The following MEMO1 variants were observed in gnomAD, a reference collection of about 807,000 sequenced individuals.
The protein encoded by MEMO1 is mediator of cell motility 1.
In MEMO1, 6 loss-of-function variants were observed where a neutral mutation model predicts 45.2. That is an observed-to-expected ratio of 0.13 (90% CI 0.07 to 0.26). The LOEUF (loss-of-function observed/expected upper bound fraction) is 0.26. MEMO1 is among the 10% of genes least tolerant of loss of function. MEMO1 has a pLI of 1.00. For missense variants in MEMO1, 184 were observed against 370.5 expected, an observed-to-expected ratio of 0.50 and a Z score of 4.13; for synonymous variants, 78 against 124.3, an observed-to-expected ratio of 0.63 and a Z score of 2.48.
intron 2 of MEMO1, among the ~76,000 whole-genome samples, chr2:31,979,738 C>G (rs1158882494): frequency 1.3e-5 from 2 of 152,048 alleles, no homozygotes; most frequent in Non-Finnish European, 2.9e-5. Context: ...CACCATGGTA[C>G]TGGAATGCCA....
intron 8 of MEMO1, among the ~76,000 whole-genome samples, chr2:31,881,495 T>TAAAAAAAAAAAAAAAAAAAAAAAAAA (rs34058748): frequency 2.9e-5 from 2 of 68,430 alleles, no homozygotes; most frequent in African/African-American, 6.0e-5. Context: ...AGCCTGTCTT[T>TAAAAAAAAAAAAAAAAAAAAAAAAAA]AAAAAAAAAA....
intron 2 of MEMO1, among the ~76,000 whole-genome samples, chr2:31,990,296 C>T (rs532510999): frequency 3.0e-4 from 45 of 152,158 alleles, no homozygotes; most frequent in African/African-American, 1.0e-3. Context: ...ATAACAAATG[C>T]CACTCTTCTC....
chr2:31,984,810 C>CA (rs891720598), intron 2 of MEMO1, among the ~76,000 whole-genome samples: 2 of 147,826 alleles, frequency 1.4e-5, no homozygotes, highest in African/African-American at 5.0e-5. Context: ...CGTCTCAAAC[C>CA]AAAAAAAAAG....
At chr2:31,968,756 T>G (rs926290504) in intron 2 of MEMO1, among the ~76,000 whole-genome samples, 3 of 152,200 alleles carry the variant, frequency 2.0e-5, no homozygotes, top group African/African-American at 7.2e-5. Flanking sequence ...TCTATTTGTT[T>G]GTTTTCATTC....
intron 2 of MEMO1, among the ~76,000 whole-genome samples, chr2:31,989,803 A>C (rs934964000): frequency 6.6e-6 from 1 of 152,206 alleles, no homozygotes; most frequent in Non-Finnish European, 1.5e-5. Context: ...ATGGCTATCC[A>C]TAAGTATCTG....
In MEMO1 at chr2:32,009,535, C is replaced by G. The variant is rs1275353292; in HGVS notation, c.61+652G>C. ...CTTCACTCCCTGCAAGACAGCGGAG[C>G]CCCTTAAAGGTGCGGGGAAACGCTG... On this transcript the variant is annotated intron_variant, in intron 2 of 9. Coordinates refer to ENST00000404530, the MANE Select transcript of MEMO1 (RefSeq NM_001301833.4). Among the ~76,000 whole-genome samples, 7 of 152,214 alleles carry G rather than the reference C, an allele frequency of 4.6e-5. No homozygotes were observed. In the East Asian group the frequency reaches 1.3e-3, roughly 29 times the overall value.
chr2:31,930,323 C>G lies in MEMO1; in HGVS notation c.212+1744G>C, dbSNP rs558924499. The stretch of plus-strand genomic sequence containing the variant: ...CGATCACATCAGCCATCATTTGCCT[C>G]TCTTTCTACTCATCTTCTTAAATCT... On this transcript the variant is annotated intron_variant, in intron 4 of 9. Coordinates refer to ENST00000404530, the MANE Select transcript of MEMO1 (RefSeq NM_001301833.4). Among the ~76,000 whole-genome samples the G allele has an allele frequency of 2.6e-5, 4 of 152,244 alleles. No individual in the cohort carries two copies. In the South Asian group the frequency reaches 8.3e-4, roughly 32 times the overall value.
intron 5 of MEMO1, among the ~76,000 whole-genome samples, chr2:31,919,896 G>A (rs756025692): frequency 2.6e-5 from 4 of 151,360 alleles, no homozygotes; most frequent in East Asian, 3.9e-4. Flanking sequence ...ACATATGGGC[G>A]TGTGTGTACA....
In MEMO1 at chr2:32,004,116, G is replaced by C. The variant is rs186510235; in HGVS notation, c.61+6071C>G. On this transcript the variant is annotated intron_variant, in intron 2 of 9. Transcript: ENST00000404530. The stretch of plus-strand genomic sequence containing the variant: ...GGATCGCTTGAGCCCAAGAGTTAGA[G>C]GCTGCAGTGAGTTGTGATCACACCA... 2.6e-5 allele frequency among the ~76,000 whole-genome samples: 4 copies of C among 152,150 alleles called. No individual in the cohort carries two copies. In the East Asian group the frequency reaches 7.7e-4, roughly 29 times the overall value.
At chr2:31,960,042 C>A (rs1248671528) in intron 2 of MEMO1, among the ~76,000 whole-genome samples, 1 of 151,922 alleles carries the variant, frequency 6.6e-6, no homozygotes, top group Non-Finnish European at 1.5e-5. Flanking sequence ...GCTAAAAGTA[C>A]AAAAATCAGC....
intron 2 of MEMO1, among the ~76,000 whole-genome samples, chr2:31,969,958 T>C (rs896839441): frequency 6.6e-6 from 1 of 150,824 alleles, no homozygotes; most frequent in African/African-American, 2.4e-5. Context: ...ATAACACAAG[T>C]TCACTTTTCT....
At chr2:31,889,113 T>G (rs1166863980) in intron 7 of MEMO1, among the ~76,000 whole-genome samples, 2 of 152,124 alleles carry the variant, frequency 1.3e-5, no homozygotes, top group African/African-American at 4.8e-5. Context: ...GGTTTTCACT[T>G]CACTTTCTGC....
chr2:31,982,201 T>C (rs1414429514), intron 2 of MEMO1, among the ~76,000 whole-genome samples: 1 of 132,296 alleles, frequency 7.6e-6, no homozygotes, highest in South Asian at 2.5e-4. Context: ...GGAGGCTGAG[T>C]CAGGAGAATC....
intron 2 of MEMO1, among the ~76,000 whole-genome samples, chr2:31,980,207 G>A (rs998635808): frequency 5.9e-5 from 9 of 152,186 alleles, no homozygotes; most frequent in South Asian, 4.1e-4. Context: ...TGAGGCAGGC[G>A]GATTGCTTGA....
chr2:31,962,149 G>A (rs1668078112), intron 2 of MEMO1, among the ~76,000 whole-genome samples: 1 of 152,090 alleles, frequency 6.6e-6, no homozygotes, highest in African/African-American at 2.4e-5. Flanking sequence ...ACCATTCTGG[G>A]AGGCCAAGGC....
chr2:31,920,706 A>T, intron 5 of MEMO1, 92 bp downstream of exon 5: 1 of 632,344 alleles, frequency 1.6e-6, no homozygotes, highest in Non-Finnish European at 2.4e-6. Context: ...TTGAGATATT[A>T]CTTATGATAT....
chr2:31,996,410 G>C (rs1672623124), intron 2 of MEMO1, among the ~76,000 whole-genome samples: 2 of 152,180 alleles, frequency 1.3e-5, no homozygotes, highest in South Asian at 4.1e-4. Flanking sequence ...GCTGGGTGTG[G>C]TGGTGCACAC....
At chr2:31,997,447 C>G (rs903129447) in intron 2 of MEMO1, among the ~76,000 whole-genome samples, 3 of 152,148 alleles carry the variant, frequency 2.0e-5, no homozygotes, top group African/African-American at 7.2e-5. Flanking sequence ...GTTGGCCAGG[C>G]TGGTCTCAAA....
intron 4 of MEMO1, among the ~76,000 whole-genome samples, chr2:31,925,149 A>G (rs947136244): frequency 6.6e-6 from 1 of 152,008 alleles, no homozygotes; most frequent in Non-Finnish European, 1.5e-5. Context: ...CACCCATGCT[A>G]TTGTTCCCCA....
Sources: gnomAD v4.1 joint callset for allele counts (sites outside exome capture counted in the v4.1 genomes callset) on GRCh38, gnomAD v4.1.1 for gene constraint, MANE v1.5 for transcripts, NCBI Gene and HGNC (gene_info 2026-07-23, HGNC 2026-07-21) for gene names.